Variants in PRIM2 observed in about 807,000 individuals in gnomAD.
PRIM2 encodes DNA primase subunit 2.
A neutral mutation model predicts 67.3 loss-of-function variants in PRIM2; 39 were observed. That is an observed-to-expected ratio of 0.58 (90% CI 0.45 to 0.76). The LOEUF is 0.76. Among genes scored for constraint, PRIM2 ranks in the 30% least tolerant of loss-of-function variants. The pLI, the probability that PRIM2 is intolerant of heterozygous loss-of-function variation, is 0.00. For synonymous variants in PRIM2, 143 were observed against 198.7 expected (o/e 0.72, Z 2.36); for missense variants, 398 against 598.7 (o/e 0.66, Z 3.50).
chr6:57,566,018 T>G (rs1775731319), intron 10 of PRIM2, among the ~76,000 whole-genome samples: 1 of 152,152 alleles, frequency 6.6e-6, no homozygotes, highest in African/African-American at 2.4e-5. Flanking sequence ...AATCTTTTAG[T>G]AATCCCTTAC....
intron 7 of PRIM2, among the ~76,000 whole-genome samples, chr6:57,448,598 T>C (rs1310828066): frequency 2.6e-5 from 4 of 152,050 alleles, no homozygotes; most frequent in African/African-American, 9.6e-5. Context: ...AGGTTATACA[T>C]TGGTTTGGCC....
At chr6:57,373,381 A>C (rs902167519) in intron 5 of PRIM2, among the ~76,000 whole-genome samples, 3 of 151,824 alleles carry the variant, frequency 2.0e-5, no homozygotes, top group African/African-American at 7.3e-5. Flanking sequence ...AGATTGCAAA[A>C]ATTTTCTCCC....
the PRIM2 span, among the ~76,000 whole-genome samples, chr6:57,284,117 A>G: frequency 6.2e-4 from 94 of 152,298 alleles, no homozygotes; most frequent in African/African-American, 2.2e-3. Flanking sequence ...TCATGAAGAT[A>G]AAAAGAACAT....
At chr6:57,487,316 G>A (rs1473683318) in intron 7 of PRIM2, among the ~76,000 whole-genome samples, 1 of 152,272 alleles carries the variant, frequency 6.6e-6, no homozygotes, top group Admixed American at 6.5e-5. Context: ...TGCAACCCGG[G>A]CCTCCCAGGT....
chr6:57,360,048 T>G (rs1274083890), intron 5 of PRIM2, among the ~76,000 whole-genome samples: 3 of 152,220 alleles, frequency 2.0e-5, no homozygotes, highest in African/African-American at 7.2e-5. Context: ...GATGTTTTTA[T>G]GTGGTGCTCT....
chr6:57,242,100 GTTTC>G, the PRIM2 span, among the ~76,000 whole-genome samples: 1 of 152,122 alleles, frequency 6.6e-6, no homozygotes, highest in East Asian at 1.9e-4. Context: ...ATAATAAGTT[GTTTC>G]TTCAGTTAGT....
Position 57,575,261 on chromosome 6 carries a change from C to G in PRIM2, c.1021-25832C>G, listed in dbSNP as rs1279794369. 7.1e-4 allele frequency among the ~76,000 whole-genome samples: 108 copies of G among 152,346 alleles called. 1 individual carries two copies. Among genetic ancestry groups the G allele is most frequent in the Non-Finnish European group, 7.3e-4 (50 of 68,038 alleles). ...TCTCTTTCTCACTGTCGAGTTAATA[C>G]AGCCAATAAATAAGATAGTAATTTC... On this transcript the variant is annotated intron_variant, in intron 10 of 13. Transcript: ENST00000615550.
the PRIM2 span, among the ~76,000 whole-genome samples, chr6:57,302,178 AAC>A: frequency 7.9e-5 from 12 of 152,368 alleles, no homozygotes; most frequent in East Asian, 1.7e-3. Flanking sequence ...TAGGAAAAGA[AAC>A]ACATTTTAAA....
chr6:57,264,102 C>T, the PRIM2 span, among the ~76,000 whole-genome samples: 1 of 152,146 alleles, frequency 6.6e-6, no homozygotes, highest in South Asian at 2.1e-4. Flanking sequence ...ATATTTATGT[C>T]TTCTGAGAGT....
At chr6:57,351,914 G>A (rs895560606) in intron 5 of PRIM2, among the ~76,000 whole-genome samples, 79 of 152,288 alleles carry the variant, frequency 5.2e-4, no homozygotes, top group Middle Eastern at 3.4e-3. Flanking sequence ...GTAAGTTACT[G>A]ACCCTTTCAA....
chr6:57,569,355 T>A (rs1367733251), intron 10 of PRIM2, among the ~76,000 whole-genome samples: 1 of 152,338 alleles, frequency 6.6e-6, no homozygotes, highest in East Asian at 1.9e-4. Flanking sequence ...AGGAAGTAAA[T>A]GAGCCCTTTT....
At chr6:57,427,983 G>T (rs1732361970) in intron 7 of PRIM2, among the ~76,000 whole-genome samples, 1 of 152,004 alleles carries the variant, frequency 6.6e-6, no homozygotes, top group Admixed American at 6.6e-5. Context: ...AACTCACATG[G>T]TGATTGTTTC....
rs1299897440 is a variant in PRIM2 at position 57,474,205 on chromosome 6, A to AGATGGAGTCTC, written c.694-33181_694-33180insATGGAGTCTCG. ...TTTTTTTTTTTTTTTTTTTTTTTTGAGCTCTGTCACCCAGGCTGGAGTGCA... is the reference window on the plus strand; with the variant it reads ...TTTTTTTTTTTTTTTTTTTTTTTTGAGATGGAGTCTCGCTCTGTCACCCAGGCTGGAGTGCA... On this transcript the variant is annotated intron_variant, in intron 7 of 13. Transcript: ENST00000615550. Among the ~76,000 whole-genome samples the AGATGGAGTCTC allele has an allele frequency of 9.4e-4, 28 of 29,946 alleles. No homozygotes were observed. In the East Asian group the frequency reaches 9.4e-3, roughly 10 times the overall value. The allele number at this position is 29,946 out of a possible 152,430, so 19.6% of individuals were successfully genotyped here.
intron 7 of PRIM2, among the ~76,000 whole-genome samples, chr6:57,466,679 G>C (rs796424557): frequency 2.0e-4 from 31 of 152,086 alleles, no homozygotes; most frequent in African/African-American, 7.0e-4. Context: ...TTTTTTTCTT[G>C]TAAATTTGTT....
chr6:57,248,236 G>A, the PRIM2 span, among the ~76,000 whole-genome samples: 1 of 152,164 alleles, frequency 6.6e-6, no homozygotes, highest in African/African-American at 2.4e-5. Context: ...GTTTCAAATT[G>A]AGCCAACTTA....
chr6:57,514,837 C>T (rs1349989283), intron 8 of PRIM2, among the ~76,000 whole-genome samples: 2 of 151,942 alleles, frequency 1.3e-5, no homozygotes, highest in Non-Finnish European at 2.9e-5. Flanking sequence ...GGAAAGAGGA[C>T]CAAAATTTAT....
chr6:57,589,843 AACAG>A (rs1295463003), intron 10 of PRIM2, among the ~76,000 whole-genome samples: 2 of 152,154 alleles, frequency 1.3e-5, no homozygotes, highest in African/African-American at 2.4e-5. Context: ...AGCAGGATTA[AACAG>A]ACAGAAGAGA....
intron 10 of PRIM2, among the ~76,000 whole-genome samples, chr6:57,541,229 A>T (rs1425283640): frequency 3.3e-5 from 5 of 152,116 alleles, no homozygotes; most frequent in African/African-American, 1.2e-4. Flanking sequence ...AGTACTGTAA[A>T]TGTATTTTCT....
intron 10 of PRIM2, among the ~76,000 whole-genome samples, chr6:57,552,685 C>G (rs1450315426): frequency 6.6e-6 from 1 of 152,144 alleles, no homozygotes; most frequent in African/African-American, 2.4e-5. Flanking sequence ...TTCAACCTCT[C>G]ATTTCCTTTT....
Sources: allele counts gnomAD v4.1 joint callset (sites outside exome capture counted in the v4.1 genomes callset), GRCh38; gene constraint gnomAD v4.1.1; transcripts MANE v1.5; gene names NCBI Gene and HGNC (gene_info 2026-07-23, HGNC 2026-07-21).